Variants in TRIM69 observed in about 807,000 individuals in gnomAD.
TRIM69 encodes E3 ubiquitin-protein ligase TRIM69.
Under a neutral mutation model 37.7 loss-of-function variants are expected in TRIM69, and 29 were observed. That is an observed-to-expected ratio of 0.77 (90% CI 0.57 to 1.05). The LOEUF (loss-of-function observed/expected upper bound fraction) is 1.05. Among genes scored for constraint, TRIM69 ranks in the 50% least tolerant of loss-of-function variants. The pLI is 0.00. For missense variants in TRIM69, 596 were observed against 579.9 expected, an observed-to-expected ratio of 1.03 and a Z score of -0.28; for synonymous variants, 209 against 212.4, an observed-to-expected ratio of 0.98 and a Z score of 0.14.
At chr15:44,765,757 A>AAAAAC (rs1313330736) in intron 6 of TRIM69, among the ~76,000 whole-genome samples, 3 of 146,530 alleles carry the variant, frequency 2.0e-5, no homozygotes, top group Non-Finnish European at 4.5e-5. Flanking sequence ...CTATCTCAAA[A>AAAAAC]AAAACAAAAC....
chr15:44,740,961 C>A (rs28749782), intron 1 of TRIM69, among the ~76,000 whole-genome samples: 5 of 151,978 alleles, frequency 3.3e-5, no homozygotes, highest in African/African-American at 9.7e-5. Context: ...CTGCACCAAG[C>A]GGACCTAATA....
chr15:44,763,016 T>C (rs2087810693), intron 6 of TRIM69, among the ~76,000 whole-genome samples: 2 of 152,238 alleles, frequency 1.3e-5, no homozygotes, highest in South Asian at 2.1e-4. Context: ...TTCTCTATTA[T>C]TAACATCTTA....
chr15:44,760,120 A>G (rs1299373617), intron 6 of TRIM69, among the ~76,000 whole-genome samples: 1 of 152,188 alleles, frequency 6.6e-6, no homozygotes, highest in Admixed American at 6.5e-5. Flanking sequence ...ATTTTGACTG[A>G]TTTATGAAAT....
intron 1 of TRIM69, among the ~76,000 whole-genome samples, chr15:44,736,950 C>T (rs2087175194): frequency 6.6e-6 from 1 of 152,132 alleles, no homozygotes; most frequent in African/African-American, 2.4e-5. Flanking sequence ...AAAAAATAAA[C>T]TATATACTAT....
intron 6 of TRIM69, 147 bp downstream of exon 6, chr15:44,760,019 G>C: frequency 1.2e-6 from 1 of 810,786 alleles, no homozygotes; most frequent in Non-Finnish European, 1.9e-6. Context: ...TGGTATGACT[G>C]AATTTCTTCT....
intron 1 of TRIM69, among the ~76,000 whole-genome samples, chr15:44,737,399 T>C (rs1006178060): frequency 7.9e-5 from 12 of 152,202 alleles, no homozygotes; most frequent in African/African-American, 2.9e-4. Flanking sequence ...TGCTTAGCTA[T>C]TGAAGCAAAC....
In TRIM69 at chr15:44,767,446, G is replaced by C. The variant is rs2087922213; in HGVS notation, c.1177G>C (p.Gly393Arg). The C allele has an allele frequency of 6.2e-7, 1 of 1,614,166 alleles. No homozygotes were observed. Among genetic ancestry groups the C allele is most frequent in the African/African-American group, 1.3e-5 (1 of 75,034 alleles). ...EVAKKTKWTVGVVRESIIRKG... is the reference protein window; with the variant it reads ...EVAKKTKWTVRVVRESIIRKG... ...AGCAAAGAAGACAAAATGGACAGTTGGAGTTGTCAGAGAATCCATCATTCG... is the reference window on the plus strand; with the variant it reads ...AGCAAAGAAGACAAAATGGACAGTTCGAGTTGTCAGAGAATCCATCATTCG... The change falls in exon 7 of 7, where the codon GGA becomes CGA. Residue 393 changes from glycine (G) to arginine (R), a missense_variant. Physicochemically the swap from Gly to Arg is moderately radical, Grantham distance 125 (BLOSUM62 -2). Coordinates refer to ENST00000329464, the MANE Select transcript of TRIM69 (RefSeq NM_182985.5).
In TRIM69 at chr15:44,767,686, A is replaced by T; in HGVS notation, c.1417A>T (p.Met473Leu). Residue 473 changes from methionine (M) to leucine (L), a missense_variant, in exon 7 of 7, where the codon ATG (methionine) becomes TTG (leucine). Transcript: ENST00000329464. ...CATTTACACCTTCAGTAACACTTTC[A>T]TGGAGAAACTTTATCCCTACTTCTG... The part of the protein sequence containing the change: ...THIYTFSNTF[M>L]EKLYPYFCPC... The T allele has an allele frequency of 6.2e-7, 1 of 1,614,198 alleles. No individual in the cohort carries two copies. The highest frequency in any genetic ancestry group is 8.5e-7 in the Non-Finnish European group (1 of 1,180,034).
intron 3 of TRIM69, 140 bp from the exon 4 acceptor site, chr15:44,758,481 T>G: frequency 8.0e-7 from 1 of 1,254,252 alleles, no homozygotes. Flanking sequence ...TTAGTATGAC[T>G]GAATTTGATA....
In TRIM69 at chr15:44,755,022, G is replaced by C. The variant is rs2087613632; in HGVS notation, c.129G>C (p.Leu43=). 2.5e-6 allele frequency: 4 copies of C among 1,614,088 alleles called. No homozygotes were observed. Among genetic ancestry groups the C allele is most frequent in the Admixed American group, 3.3e-5 (2 of 60,014 alleles). The change falls in exon 2 of 7, where the codon CTG becomes CTC. Residue 43 remains leucine (L), a synonymous_variant. Coordinates refer to ENST00000329464, the MANE Select transcript of TRIM69 (RefSeq NM_182985.5). The part of the protein sequence containing the change: ...QDITMELHCP[L]CNDWFRDPLM... Reference sequence around the variant, plus strand: ...TTACTATGGAGCTACACTGCCCTCTGTGCAATGATTGGTTCCGAGACCCAC... The same window carrying C: ...TTACTATGGAGCTACACTGCCCTCTCTGCAATGATTGGTTCCGAGACCCAC...
chr15:44,751,269 C>T (rs1468940907), intron 1 of TRIM69, among the ~76,000 whole-genome samples: 1 of 152,038 alleles, frequency 6.6e-6, no homozygotes, highest in Admixed American at 6.6e-5. Flanking sequence ...GTGCTCGCTA[C>T]CACGCCCAGC....
intron 1 of TRIM69, chr15:44,753,906 G>C (rs913229636): frequency 8.6e-5 from 13 of 152,008 alleles, no homozygotes; most frequent in African/African-American, 3.1e-4. Context: ...AGTAGAGACA[G>C]GGTTTCACCA....
intron 6 of TRIM69, among the ~76,000 whole-genome samples, chr15:44,767,008 G>A (rs373786164): frequency 2.1e-4 from 24 of 115,382 alleles, no homozygotes; most frequent in South Asian, 3.0e-4. Flanking sequence ...GCAGTGAGCC[G>A]AGATCGCACC....
At chr15:44,737,536 ATTGT>A (rs2087187099) in intron 1 of TRIM69, among the ~76,000 whole-genome samples, 1 of 152,210 alleles carries the variant, frequency 6.6e-6, no homozygotes, top group Non-Finnish European at 1.5e-5. Context: ...TAGTAAAAAA[ATTGT>A]TTGTGTGATA....
chr15:44,756,344 G>T (rs1313746966), intron 2 of TRIM69, 24 bp from the exon 3 acceptor site: 2 of 1,503,582 alleles, frequency 1.3e-6, no homozygotes, highest in East Asian at 2.5e-5. Context: ...GTTAGTCTGG[G>T]TTAATTCTAT....
At chr15:44,760,421 A>G (rs2087751083) in intron 6 of TRIM69, among the ~76,000 whole-genome samples, 1 of 152,218 alleles carries the variant, frequency 6.6e-6, no homozygotes, top group Non-Finnish European at 1.5e-5. Flanking sequence ...CACACATGGC[A>G]TTTCAAGAAC....
intron 2 of TRIM69, among the ~76,000 whole-genome samples, chr15:44,755,874 T>C (rs1357596550): frequency 6.6e-6 from 1 of 152,220 alleles, no homozygotes; most frequent in African/African-American, 2.4e-5. Flanking sequence ...TCATTTGGAT[T>C]TTGAAGGGCA....
chr15:44,739,519 C>T (rs1242585077), intron 1 of TRIM69, among the ~76,000 whole-genome samples: 1 of 152,210 alleles, frequency 6.6e-6, no homozygotes, highest in African/African-American at 2.4e-5. Flanking sequence ...TTGGGTCACT[C>T]CCACCCTAAT....
At chr15:44,757,055 A>G (rs2141140713) in intron 3 of TRIM69, 1 of 152,350 alleles carries the variant, frequency 6.6e-6, no homozygotes, top group East Asian at 1.9e-4. Flanking sequence ...TTTATTCATT[A>G]TTCTATGGAG....
Sources: gnomAD v4.1 joint callset for allele counts (sites outside exome capture counted in the v4.1 genomes callset) on GRCh38, gnomAD v4.1.1 for gene constraint, MANE v1.5 for transcripts, NCBI Gene and HGNC (gene_info 2026-07-23, HGNC 2026-07-21) for gene names.